The following GFPT2 variants were observed in gnomAD, a reference collection of about 807,000 sequenced individuals.
The protein encoded by GFPT2 is glutamine--fructose-6-phosphate aminotransferase [isomerizing] 2.
GFPT2 carries 62 observed loss-of-function variants against 85.6 expected under a neutral mutation model. The observed-to-expected ratio is 0.72, with a 90% confidence interval of 0.59 to 0.90. The LOEUF (loss-of-function observed/expected upper bound fraction) is 0.90, where lower values mean the gene tolerates loss of function less well. Among genes scored for constraint, GFPT2 ranks in the 40% least tolerant of loss-of-function variants. The pLI, the probability that GFPT2 is intolerant of heterozygous loss-of-function variation, is 0.00. For synonymous variants in GFPT2, 368 were observed against 344.5 expected, an observed-to-expected ratio of 1.07 and a Z score of -0.75; for missense variants, 788 against 893.4, an observed-to-expected ratio of 0.88 and a Z score of 1.50.
intron 9 of GFPT2, among the ~76,000 whole-genome samples, chr5:180,322,736 T>TA (rs531478659): frequency 0.02 from 3,052 of 151,972 alleles, 84 homozygotes; most frequent in African/African-American, 0.052. Flanking sequence ...GCCTTTTTTT[T>TA]AAAAAAAAAG....
chr5:180,313,451 T>C (rs541225379), intron 14 of GFPT2, among the ~76,000 whole-genome samples: 15,157 of 134,990 alleles, frequency 0.11, 1,159 homozygotes, highest in East Asian at 0.16. Context: ...ATGAGCCGGG[T>C]GTGGGGCGGG....
At chr5:180,333,447 G>A (rs1411021715) in intron 4 of GFPT2, among the ~76,000 whole-genome samples, 1 of 151,860 alleles carries the variant, frequency 6.6e-6, no homozygotes, top group Non-Finnish European at 1.5e-5. Context: ...TGTTAGCCAG[G>A]ATGGTCTCGA....
Position 180,318,700 on chromosome 5 carries a change from G to A in GFPT2, c.958+93C>T. On this transcript the variant is annotated intron_variant, in intron 10 of 18. Coordinates refer to ENST00000253778, the MANE Select transcript of GFPT2 (RefSeq NM_005110.4). The surrounding 1 kb of genome is among the most constrained non-coding windows in gnomAD (Gnocchi z 4.2). The stretch of plus-strand genomic sequence containing the variant: ...GGTGGCCACAGAGGGCAGGAGGGCT[G>A]TGGCCTCTACTAGGACCAGGCAGAG... 1 of 1,092,782 alleles carries A rather than the reference G, an allele frequency of 9.2e-7. No homozygotes were observed. The highest frequency in any genetic ancestry group is 1.3e-6 in the Non-Finnish European group (1 of 744,582). 67.7% of individuals were successfully genotyped at this position (1,092,782 alleles called of 1,614,324 possible).
At position 180,313,629 on chromosome 5, in the gene GFPT2, A is replaced by T. The variant is rs545067884; in HGVS notation, c.1431+178T>A. ...AATAAAATAAAAATAAAAATAAAAA[A>T]AATGAAGATACGGGAATCCAAGAGG... On this transcript the variant is annotated intron_variant, in intron 14 of 18. Transcript: ENST00000253778. 6.7e-4 allele frequency among the ~76,000 whole-genome samples: 91 copies of T among 135,144 alleles called. 1 individual carries two copies. The highest frequency in any genetic ancestry group is 2.3e-4 in the Non-Finnish European group (14 of 59,938). 88.7% of individuals were successfully genotyped at this position (135,144 alleles called of 152,430 possible).
At chr5:180,310,536 G>A (rs1248448982) in intron 15 of GFPT2, among the ~76,000 whole-genome samples, 4 of 150,126 alleles carry the variant, frequency 2.7e-5, no homozygotes, top group Non-Finnish European at 4.4e-5. Flanking sequence ...TCAGCCTCCC[G>A]AGTAGCTGGG....
intron 1 of GFPT2, among the ~76,000 whole-genome samples, chr5:180,345,757 T>C (rs1764594949): frequency 6.6e-6 from 1 of 152,070 alleles, no homozygotes; most frequent in Admixed American, 6.5e-5. Context: ...AATGAACAGA[T>C]GGAGGAATGC....
At chr5:180,339,927 T>C (rs17080199) in intron 1 of GFPT2, among the ~76,000 whole-genome samples, 22,750 of 152,198 alleles carry the variant, frequency 0.15, 1,917 homozygotes, top group East Asian at 0.19. Flanking sequence ...AGGGAGGCAA[T>C]AGTATGGGTC....
intron 1 of GFPT2, among the ~76,000 whole-genome samples, chr5:180,351,550 T>C (rs1323946831): frequency 6.6e-6 from 1 of 152,184 alleles, no homozygotes; most frequent in Non-Finnish European, 1.5e-5. Context: ...GAGCCCTGGG[T>C]GTCCTTTGGG....
intron 16 of GFPT2, among the ~76,000 whole-genome samples, chr5:180,306,407 C>T (rs7706951): frequency 0.63 from 96,027 of 152,134 alleles, 30,400 homozygotes; most frequent in East Asian, 0.87. Context: ...CTGTCCCCGT[C>T]ACCTGGGCTG....
intron 1 of GFPT2, chr5:180,352,343 A>C (rs1161360934): frequency 3.2e-6 from 1 of 316,612 alleles, no homozygotes; most frequent in African/African-American, 2.2e-5. Context: ...CTCAAGGAAA[A>C]AAAAAAAAAA....
At chr5:180,311,465 C>G (rs2127647908) in intron 15 of GFPT2, among the ~76,000 whole-genome samples, 1 of 152,354 alleles carries the variant, frequency 6.6e-6, no homozygotes, top group Admixed American at 6.5e-5. Context: ...GATATTGTAT[C>G]TCACCAGCTA....
At position 180,349,530 on chromosome 5, in the gene GFPT2, T is replaced by C. The variant is rs114770819; in HGVS notation, c.7+3681A>G. On this transcript the variant is annotated intron_variant, in intron 1 of 18. Transcript: ENST00000253778. ...ACTTGGGAATCCCCTGAGGAGACAGTGGAGGGCTGCAGCCAGCACAGAGAC... is the reference window on the plus strand; with the variant it reads ...ACTTGGGAATCCCCTGAGGAGACAGCGGAGGGCTGCAGCCAGCACAGAGAC... 4.4e-3 allele frequency among the ~76,000 whole-genome samples: 665 copies of C among 151,966 alleles called. 5 individuals are homozygous for C. The highest frequency in any genetic ancestry group is 0.015 in the African/African-American group (633 of 41,428).
At chr5:180,347,416 C>T (rs535334027) in intron 1 of GFPT2, among the ~76,000 whole-genome samples, 1 of 152,278 alleles carries the variant, frequency 6.6e-6, no homozygotes, top group African/African-American at 2.4e-5. Flanking sequence ...TCCAGACAGC[C>T]TTTCAGGGCC....
intron 9 of GFPT2, among the ~76,000 whole-genome samples, chr5:180,319,891 G>A (rs1764086042): frequency 6.6e-6 from 1 of 152,054 alleles, no homozygotes; most frequent in Non-Finnish European, 1.5e-5. Flanking sequence ...AACTCATCAG[G>A]ACAAAAGACC....
At chr5:180,327,973 G>C (rs1021943457) in intron 7 of GFPT2, among the ~76,000 whole-genome samples, 22 of 152,286 alleles carry the variant, frequency 1.4e-4, no homozygotes, top group African/African-American at 4.8e-4. Flanking sequence ...ACAAAACCTG[G>C]ATCTGCCCTG....
Position 180,318,070 on chromosome 5 carries a change from C to A in GFPT2, c.958+723G>T, listed in dbSNP as rs1004241352. On this transcript the variant is annotated intron_variant, in intron 10 of 18. Coordinates refer to ENST00000253778, the MANE Select transcript of GFPT2 (RefSeq NM_005110.4). This position sits in a 1 kb window ranked among gnomAD's most constrained non-coding sequence, Gnocchi z 4.2. Reference sequence around the variant, plus strand: ...GGCTGGGGAGGGACCATGGCAGACACAGGAGCAGAGAAGGAGTCTCTGAGG... The same window carrying A: ...GGCTGGGGAGGGACCATGGCAGACAAAGGAGCAGAGAAGGAGTCTCTGAGG... Among the ~76,000 whole-genome samples, 1 of 152,082 alleles carries A rather than the reference C, an allele frequency of 6.6e-6. No individual in the cohort carries two copies. The highest frequency in any genetic ancestry group is 2.4e-5 in the African/African-American group (1 of 41,402).
At chr5:180,339,100 C>T (rs1388757145) in intron 1 of GFPT2, among the ~76,000 whole-genome samples, 1 of 152,136 alleles carries the variant, frequency 6.6e-6, no homozygotes, top group Admixed American at 6.5e-5. Flanking sequence ...ACTACTTGAG[C>T]CGGGGGCGGT....
intron 1 of GFPT2, among the ~76,000 whole-genome samples, chr5:180,340,091 A>G (rs34473901): frequency 0.085 from 12,996 of 152,242 alleles, 682 homozygotes; most frequent in Middle Eastern, 0.15. Flanking sequence ...TCAAGGTGCC[A>G]GAGATTCAGT....
At position 180,318,860 on chromosome 5, in the gene GFPT2, G is replaced by A. The variant is rs1764064348; in HGVS notation, c.891C>T (p.Arg297=). 1.2e-6 allele frequency: 2 copies of A among 1,614,038 alleles called. No individual in the cohort carries two copies. The highest frequency in any genetic ancestry group is 1.1e-5 in the South Asian group (1 of 91,086). Residue 297 remains arginine, a synonymous_variant, in exon 10 of 19, where the codon CGC becomes CGT. Coordinates refer to ENST00000253778, the MANE Select transcript of GFPT2 (RefSeq NM_005110.4). This position sits in a 1 kb window ranked among gnomAD's most constrained non-coding sequence, Gnocchi z 4.2. ...CTCGAGATGGGTCATCACTGGCCGA[G>A]CGCTTGACCCGGTGAATGGAGAGTT... ...DGKLSIHRVK[R]SASDDPSRAI...
Sources: allele counts gnomAD v4.1 joint callset (sites outside exome capture counted in the v4.1 genomes callset), GRCh38; gene constraint gnomAD v4.1.1; non-coding constraint Gnocchi (gnomAD v3.1); transcripts MANE v1.5; gene names NCBI Gene and HGNC (gene_info 2026-07-23, HGNC 2026-07-21).